Variants in CACNA2D3 observed in about 807,000 individuals in gnomAD.
CACNA2D3 encodes voltage-dependent calcium channel subunit alpha-2/delta-3.
Under a neutral mutation model 160.6 loss-of-function variants are expected in CACNA2D3, and 60 were observed. The observed-to-expected ratio is 0.37, with a 90% CI of 0.30 to 0.46. CACNA2D3 has a LOEUF of 0.46. CACNA2D3 is among the 20% of genes least tolerant of loss of function. CACNA2D3 has a pLI of 1.00. For synonymous variants in CACNA2D3, 558 were observed against 492.9 expected (o/e 1.13, Z -1.75); for missense variants, 1,205 against 1,365.0 (o/e 0.88, Z 1.85).
chr3:55,051,389 G>C (rs187255218), intron 35 of CACNA2D3, among the ~76,000 whole-genome samples: 1 of 85,636 alleles, frequency 1.2e-5, no homozygotes, highest in African/African-American at 1.3e-4. Context: ...TGCCCCTGCT[G>C]GGGGGGTGCC....
At chr3:54,548,152 TC>T (rs1209257860) in intron 5 of CACNA2D3, among the ~76,000 whole-genome samples, 2 of 152,116 alleles carry the variant, frequency 1.3e-5, no homozygotes, top group Non-Finnish European at 2.9e-5. Flanking sequence ...GAACTGTATT[TC>T]CCCAGTCCCA....
At chr3:54,926,501 C>A (rs1701021969) in intron 27 of CACNA2D3, among the ~76,000 whole-genome samples, 1 of 102,200 alleles carries the variant, frequency 9.8e-6, no homozygotes, top group East Asian at 3.1e-4. Flanking sequence ...CACTGCCTGT[C>A]AAATACACAC....
At chr3:55,000,161 G>C (rs1702948838) in intron 31 of CACNA2D3, among the ~76,000 whole-genome samples, 1 of 152,166 alleles carries the variant, frequency 6.6e-6, no homozygotes, top group Non-Finnish European at 1.5e-5. Context: ...GCTGATTTTA[G>C]AGTCAAATGA....
chr3:54,918,587 A>C, intron 27 of CACNA2D3: 1 of 1,614,148 alleles, frequency 6.2e-7, no homozygotes. Context: ...GCAGCTGCCA[A>C]CATCATGAGA....
At chr3:54,785,264 T>A (rs147038505) in intron 13 of CACNA2D3, among the ~76,000 whole-genome samples, 1 of 152,350 alleles carries the variant, frequency 6.6e-6, no homozygotes, top group Middle Eastern at 3.4e-3. Context: ...ATGTCCATTT[T>A]GATTTTTTTT....
At chr3:54,313,495 C>T (rs925125942) in intron 2 of CACNA2D3, among the ~76,000 whole-genome samples, 3 of 152,158 alleles carry the variant, frequency 2.0e-5, no homozygotes, top group South Asian at 2.1e-4. Flanking sequence ...TGCCTGTCCC[C>T]GCAGCCCCAC....
At chr3:54,174,338 A>G (rs756611185) in intron 2 of CACNA2D3, among the ~76,000 whole-genome samples, 24 of 152,204 alleles carry the variant, frequency 1.6e-4, no homozygotes, top group Non-Finnish European at 3.1e-4. Flanking sequence ...ACCCACAGAC[A>G]GGCAAAAAGA....
At chr3:54,544,635 C>A (rs767729522) in intron 5 of CACNA2D3, among the ~76,000 whole-genome samples, 27 of 152,010 alleles carry the variant, frequency 1.8e-4, no homozygotes, top group Non-Finnish European at 3.4e-4. Flanking sequence ...TGGCCTCAAG[C>A]GATCCTCTCA....
chr3:54,575,921 G>A (rs1307302123), intron 8 of CACNA2D3, among the ~76,000 whole-genome samples: 1 of 151,734 alleles, frequency 6.6e-6, no homozygotes, highest in Non-Finnish European at 1.5e-5. Flanking sequence ...GGATCACATA[G>A]GGGGGTGGGT....
At chr3:55,058,984 C>T (rs558514739) in intron 35 of CACNA2D3, among the ~76,000 whole-genome samples, 1 of 152,272 alleles carries the variant, frequency 6.6e-6, no homozygotes, top group East Asian at 1.9e-4. Flanking sequence ...CAATTGTTTT[C>T]TTACCATTAA....
At chr3:54,170,313 C>G (rs1175932621) in intron 2 of CACNA2D3, among the ~76,000 whole-genome samples, 1 of 152,104 alleles carries the variant, frequency 6.6e-6, no homozygotes, top group African/African-American at 2.4e-5. Context: ...CCCCTGGGCT[C>G]TGTTGACCTT....
At chr3:54,553,630 A>G (rs2106689685) in intron 5 of CACNA2D3, among the ~76,000 whole-genome samples, 1 of 152,346 alleles carries the variant, frequency 6.6e-6, no homozygotes, top group Middle Eastern at 3.4e-3. Flanking sequence ...GTGTTAGCTT[A>G]TAATTGTTCT....
intron 13 of CACNA2D3, among the ~76,000 whole-genome samples, chr3:54,772,534 C>G (rs543180141): frequency 6.6e-6 from 1 of 152,184 alleles, no homozygotes; most frequent in Admixed American, 6.5e-5. Context: ...GGCCCATTCT[C>G]CCTGCTTGTT....
chr3:54,610,636 T>C (rs1698733600), intron 9 of CACNA2D3, among the ~76,000 whole-genome samples: 1 of 151,826 alleles, frequency 6.6e-6, no homozygotes, highest in Admixed American at 6.5e-5. Flanking sequence ...TTTTTTTTTC[T>C]TTTTGAGATG....
intron 9 of CACNA2D3, among the ~76,000 whole-genome samples, chr3:54,598,695 A>G (rs1703006965): frequency 6.6e-6 from 1 of 152,186 alleles, no homozygotes; most frequent in East Asian, 1.9e-4. Flanking sequence ...GAAACACCCA[A>G]ACCACTAAGT....
intron 31 of CACNA2D3, among the ~76,000 whole-genome samples, chr3:54,991,364 A>G (rs1702738002): frequency 6.6e-6 from 1 of 151,940 alleles, no homozygotes; most frequent in Admixed American, 6.6e-5. Flanking sequence ...CTGGGACTAC[A>G]GGTGCACACC....
intron 9 of CACNA2D3, among the ~76,000 whole-genome samples, chr3:54,617,466 A>G (rs1326386921): frequency 1.3e-5 from 2 of 152,126 alleles, no homozygotes; most frequent in African/African-American, 2.4e-5. Flanking sequence ...TTCTCTGGCC[A>G]CCTGATTGGC....
intron 9 of CACNA2D3, among the ~76,000 whole-genome samples, chr3:54,595,095 G>C (rs572057730): frequency 1.1e-4 from 16 of 152,220 alleles, no homozygotes; most frequent in Non-Finnish European, 1.9e-4. Context: ...AATATGATGT[G>C]TTGGGACATT....
intron 11 of CACNA2D3, among the ~76,000 whole-genome samples, chr3:54,672,370 A>G (rs1700176922): frequency 6.6e-6 from 1 of 152,334 alleles, no homozygotes; most frequent in African/African-American, 2.4e-5. Flanking sequence ...GTCTGAGTTC[A>G]GTGCCCCAGC....
Sources: gnomAD v4.1 joint callset for allele counts (sites outside exome capture counted in the v4.1 genomes callset) on GRCh38, gnomAD v4.1.1 for gene constraint, MANE v1.5 for transcripts, NCBI Gene and HGNC (gene_info 2026-07-23, HGNC 2026-07-21) for gene names.